Variants in DIAPH3 observed in about 807,000 individuals in gnomAD.
The protein encoded by DIAPH3 is protein diaphanous homolog 3.
Under a neutral mutation model 144.3 loss-of-function variants are expected in DIAPH3, and 117 were observed. The observed-to-expected ratio is 0.81, with a 90% CI of 0.70 to 0.95. The LOEUF (loss-of-function observed/expected upper bound fraction) is 0.95, where lower values mean the gene tolerates loss of function less well. Among genes scored for constraint, DIAPH3 ranks in the 40% least tolerant of loss-of-function variants. DIAPH3 has a pLI of 0.00. For missense variants in DIAPH3, 1,421 were observed against 1,412.7 expected (o/e 1.01, Z -0.09); for synonymous variants, 519 against 488.9 (o/e 1.06, Z -0.81).
At chr13:59,744,591 T>C (rs961685522) in intron 27 of DIAPH3, among the ~76,000 whole-genome samples, 5 of 152,204 alleles carry the variant, frequency 3.3e-5, no homozygotes, top group African/African-American at 1.2e-4. Flanking sequence ...ACAATTCTTC[T>C]TCTTCCAATG....
intron 27 of DIAPH3, among the ~76,000 whole-genome samples, chr13:59,760,082 T>C (rs2037499519): frequency 6.6e-6 from 1 of 152,232 alleles, no homozygotes; most frequent in Non-Finnish European, 1.5e-5. Flanking sequence ...AGGACTTTTC[T>C]CTGCCCTAAT....
At chr13:59,807,406 C>T (rs1329123029) in intron 25 of DIAPH3, among the ~76,000 whole-genome samples, 1 of 152,018 alleles carries the variant, frequency 6.6e-6, no homozygotes, top group East Asian at 1.9e-4. Context: ...CTCACAGTAG[C>T]TTCTTAAATC....
intron 27 of DIAPH3, among the ~76,000 whole-genome samples, chr13:59,750,305 A>G (rs1267325145): frequency 1.3e-5 from 2 of 152,176 alleles, no homozygotes. Flanking sequence ...GAACTTGACC[A>G]TTTTTATGGG....
intron 27 of DIAPH3, among the ~76,000 whole-genome samples, chr13:59,689,045 G>A (rs1425620229): frequency 6.6e-6 from 1 of 152,058 alleles, no homozygotes; most frequent in Non-Finnish European, 1.5e-5. Flanking sequence ...CAATCCCCAG[G>A]CACAGAAAGA....
chr13:59,871,094 A>G (rs2044241345), intron 21 of DIAPH3, among the ~76,000 whole-genome samples: 1 of 151,818 alleles, frequency 6.6e-6, no homozygotes, highest in Admixed American at 6.6e-5. Context: ...TTGCTGGCAT[A>G]CAGGAAACCA....
At chr13:59,830,631 G>T (rs957646506) in intron 24 of DIAPH3, among the ~76,000 whole-genome samples, 23 of 151,636 alleles carry the variant, frequency 1.5e-4, no homozygotes, top group African/African-American at 5.3e-4. Flanking sequence ...CACATGAAAT[G>T]CCAAGTTACC....
At chr13:59,944,958 C>A (rs912572739) in intron 17 of DIAPH3, among the ~76,000 whole-genome samples, 1 of 152,078 alleles carries the variant, frequency 6.6e-6, no homozygotes, top group Admixed American at 6.6e-5. Context: ...GCCAGCAACA[C>A]CATCATCAAC....
chr13:60,071,127 C>T (rs915464450), intron 4 of DIAPH3, among the ~76,000 whole-genome samples: 1 of 152,098 alleles, frequency 6.6e-6, no homozygotes, highest in Non-Finnish European at 1.5e-5. Context: ...TCCCATTTTA[C>T]GTGTTTATTC....
At chr13:59,751,309 T>C (rs2036996771) in intron 27 of DIAPH3, among the ~76,000 whole-genome samples, 1 of 152,374 alleles carries the variant, frequency 6.6e-6, no homozygotes, top group Non-Finnish European at 1.5e-5. Flanking sequence ...TCTGCCATCA[T>C]CTTTAAGTTT....
intron 12 of DIAPH3, among the ~76,000 whole-genome samples, chr13:59,986,907 G>A (rs972242359): frequency 7.4e-5 from 11 of 149,314 alleles, no homozygotes; most frequent in Admixed American, 6.0e-4. Context: ...CATTGTGGAA[G>A]TCAGTGTGGC....
chr13:60,105,320 T>C (rs1379275326), intron 3 of DIAPH3, among the ~76,000 whole-genome samples: 1 of 152,086 alleles, frequency 6.6e-6, no homozygotes, highest in African/African-American at 2.4e-5. Flanking sequence ...ACACAAATAA[T>C]TGCCTGCACA....
intron 24 of DIAPH3, among the ~76,000 whole-genome samples, chr13:59,820,166 T>C (rs1056783834): frequency 2.6e-5 from 4 of 151,982 alleles, no homozygotes; most frequent in African/African-American, 9.7e-5. Flanking sequence ...TATATATGCT[T>C]CCATCAAACA....
intron 27 of DIAPH3, among the ~76,000 whole-genome samples, chr13:59,703,735 C>T (rs1298840585): frequency 6.6e-6 from 1 of 152,054 alleles, no homozygotes; most frequent in East Asian, 1.9e-4. Flanking sequence ...ATAACTATTT[C>T]TTGTATGCGT....
chr13:59,758,779 C>CTT (rs869088245), intron 27 of DIAPH3, among the ~76,000 whole-genome samples: 5 of 139,136 alleles, frequency 3.6e-5, no homozygotes, highest in Non-Finnish European at 1.6e-5. Context: ...TTTTCTCTCT[C>CTT]TTTTTTTTTT....
rs528965851 is a variant in DIAPH3 at position 59,818,957 on chromosome 13, T to G, written c.3028-8034A>C. 3.3e-5 allele frequency among the ~76,000 whole-genome samples: 5 copies of G among 152,038 alleles called. No homozygotes were observed. In the East Asian group the frequency reaches 9.6e-4, roughly 29 times the overall value. On this transcript the variant is annotated intron_variant, in intron 24 of 27. Transcript: ENST00000400324. The stretch of plus-strand genomic sequence containing the variant: ...TTTAAAAATTTCATGTTCTATTTCC[T>G]TAAATATTTCATATATTGTTACTAA...
At chr13:60,119,730 G>C (rs1172672167) in intron 2 of DIAPH3, among the ~76,000 whole-genome samples, 1 of 112,092 alleles carries the variant, frequency 8.9e-6, no homozygotes, top group South Asian at 3.3e-4. Flanking sequence ...CTGGGCGACA[G>C]AGCGAGACTC....
At chr13:60,135,446 C>T (rs1224060725) in intron 1 of DIAPH3, among the ~76,000 whole-genome samples, 2 of 152,016 alleles carry the variant, frequency 1.3e-5, no homozygotes, top group Non-Finnish European at 2.9e-5. Flanking sequence ...GCAGGTGTAT[C>T]CTGCATGGAG....
At chr13:59,862,743 G>A (rs765230181) in intron 21 of DIAPH3, among the ~76,000 whole-genome samples, 4 of 151,964 alleles carry the variant, frequency 2.6e-5, no homozygotes, top group Non-Finnish European at 5.9e-5. Flanking sequence ...TGCCCCCTAA[G>A]AAGTTTTTAG....
intron 24 of DIAPH3, among the ~76,000 whole-genome samples, chr13:59,812,776 T>G (rs1031104060): frequency 2.0e-5 from 3 of 152,126 alleles, no homozygotes; most frequent in African/African-American, 7.2e-5. Flanking sequence ...CAGGATCTTC[T>G]AGGCCAAGAC....
Sources: allele counts gnomAD v4.1 joint callset (sites outside exome capture counted in the v4.1 genomes callset), GRCh38; gene constraint gnomAD v4.1.1; transcripts MANE v1.5; gene names NCBI Gene and HGNC (gene_info 2026-07-23, HGNC 2026-07-21).